RASSF5: variants seen among roughly 807,000 people sequenced by gnomAD.
RASSF5 encodes the protein ras association domain-containing protein 5.
In RASSF5, 25 loss-of-function variants were observed where a neutral mutation model predicts 40.5. The ratio of observed to expected loss-of-function variants is 0.62; its 90% CI spans 0.45 to 0.86. The LOEUF (loss-of-function observed/expected upper bound fraction) is 0.86. Among genes scored for constraint, RASSF5 ranks in the 40% least tolerant of loss-of-function variants. The pLI is 0.00. For synonymous variants in RASSF5, 246 were observed against 252.4 expected (o/e 0.97, Z 0.24); for missense variants, 521 against 572.8 (o/e 0.91, Z 0.92).
chr1:206,527,456 G>A lies in RASSF5; in HGVS notation c.458-10716G>A, dbSNP rs35353592. Among the ~76,000 whole-genome samples the A allele has an allele frequency of 0.017, 2,529 of 152,242 alleles. 157 individuals are homozygous for A. The East Asian group carries it at 0.22, about 13-fold the overall frequency. ...AAATTGTCCTGAGAGCTCAGGACAGGAACCTTTGGCTGCTGCCTGGGTGGT... is the reference window on the plus strand; with the variant it reads ...AAATTGTCCTGAGAGCTCAGGACAGAAACCTTTGGCTGCTGCCTGGGTGGT... On this transcript the variant is annotated intron_variant, in intron 1 of 5. Coordinates refer to ENST00000579436, the MANE Select transcript of RASSF5 (RefSeq NM_182663.4).
rs1362443345 is a variant in RASSF5, at chr1:206,531,411, G to A, written c.458-6761G>A. Among the ~76,000 whole-genome samples, 2 of 152,216 alleles carry A rather than the reference G, an allele frequency of 1.3e-5. No individual in the cohort carries two copies. Among genetic ancestry groups the A allele is most frequent in the Admixed American group, 6.5e-5 (1 of 15,280 alleles). Reference sequence around the variant, plus strand: ...CTGTGTCTATTGTATGAGAACCTGAGTCTGAAGGGACATCTTGGGGCCAGG... The same window carrying A: ...CTGTGTCTATTGTATGAGAACCTGAATCTGAAGGGACATCTTGGGGCCAGG... On this transcript the variant is annotated intron_variant, in intron 1 of 5. Coordinates refer to ENST00000579436, the MANE Select transcript of RASSF5 (RefSeq NM_182663.4). The surrounding 1 kb of genome is among the most constrained non-coding windows in gnomAD (Gnocchi z 4.7).
At chr1:206,556,367 T>C (rs1021562472) in intron 2 of RASSF5, among the ~76,000 whole-genome samples, 1 of 152,236 alleles carries the variant, frequency 6.6e-6, no homozygotes, top group African/African-American at 2.4e-5. Context: ...CGTAAATCAC[T>C]TGCACAGAGA....
In RASSF5 at chr1:206,531,861, C is replaced by A. The variant is rs1178046427; in HGVS notation, c.458-6311C>A. On this transcript the variant is annotated intron_variant, in intron 1 of 5. Coordinates refer to ENST00000579436, the MANE Select transcript of RASSF5 (RefSeq NM_182663.4). The surrounding 1 kb of genome is among the most constrained non-coding windows in gnomAD (Gnocchi z 4.7). ...GAGCATCCTGGCTAACATAGTGAAA[C>A]CCTGTCTCTACTAAAAAAAAATAAA... 6.6e-6 allele frequency among the ~76,000 whole-genome samples: 1 copy of A among 151,058 alleles called. No homozygotes were observed. The highest frequency in any genetic ancestry group is 1.5e-5 in the Non-Finnish European group (1 of 67,936).
intron 2 of RASSF5, among the ~76,000 whole-genome samples, chr1:206,546,242 G>A (rs1005988407): frequency 6.6e-6 from 1 of 150,940 alleles, no homozygotes; most frequent in Non-Finnish European, 1.5e-5. Flanking sequence ...TCGAGGAACT[G>A]GGACTACACA....
At chr1:206,577,031 G>A (rs1007448528) in intron 2 of RASSF5, among the ~76,000 whole-genome samples, 1 of 149,900 alleles carries the variant, frequency 6.7e-6, no homozygotes. Context: ...GACTGGTCTC[G>A]AACTCCTGGG....
chr1:206,548,830 T>TA (rs1553400642), intron 2 of RASSF5, among the ~76,000 whole-genome samples: 2 of 152,168 alleles, frequency 1.3e-5, no homozygotes, highest in African/African-American at 4.8e-5. Context: ...TCTGTTCATT[T>TA]AAAAAATTCT....
At chr1:206,553,844 A>T (rs1553401369) in intron 2 of RASSF5, among the ~76,000 whole-genome samples, 1 of 152,196 alleles carries the variant, frequency 6.6e-6, no homozygotes, top group East Asian at 1.9e-4. Flanking sequence ...CACAGAGGTA[A>T]ACCATGAGGC....
chr1:206,526,280 G>GTGTGTGTGTGTGTGTGTT (rs1667095053), intron 1 of RASSF5, among the ~76,000 whole-genome samples: 1 of 151,900 alleles, frequency 6.6e-6, no homozygotes, highest in South Asian at 2.1e-4. Flanking sequence ...GTGTGTGTGT[G>GTGTGTGTGTGTGTGTGTT]TGTGTGTGTG....
chr1:206,567,098 GACA>G (rs782594752), intron 2 of RASSF5, among the ~76,000 whole-genome samples: 30 of 152,200 alleles, frequency 2.0e-4, no homozygotes, highest in Non-Finnish European at 3.8e-4. Flanking sequence ...AAAATGCAAG[GACA>G]ACTTTTCAAA....
chr1:206,512,591 CCT>C (rs1666646111), intron 1 of RASSF5, among the ~76,000 whole-genome samples: 1 of 152,144 alleles, frequency 6.6e-6, no homozygotes, highest in Non-Finnish European at 1.5e-5. Context: ...GGTCTGATAT[CCT>C]CTCTCTTCTC....
chr1:206,529,721 G>A, intron 1 of RASSF5: 1 of 644,540 alleles, frequency 1.6e-6, no homozygotes, highest in Non-Finnish European at 2.8e-6. Flanking sequence ...ACACTGTTGA[G>A]TTTTCTGTAC....
rs1369279877 is a variant in RASSF5, at chr1:206,535,168, A to AC, written c.458-3003dup. On this transcript the variant is annotated intron_variant, in intron 1 of 5. Coordinates refer to ENST00000579436, the MANE Select transcript of RASSF5 (RefSeq NM_182663.4). The surrounding 1 kb of genome is among the most constrained non-coding windows in gnomAD (Gnocchi z 5.0). ...CAGAGAGCCACGATAGTGCCACTGC[A>AC]CTGCAGCCTGGGTGGCAGAGTGAAA... 2.6e-5 allele frequency among the ~76,000 whole-genome samples: 4 copies of AC among 152,248 alleles called. No homozygotes were observed. The highest frequency in any genetic ancestry group is 9.6e-5 in the African/African-American group (4 of 41,468).
chr1:206,507,558 A>G lies in RASSF5; in HGVS notation c.-45A>G. On this transcript the variant is annotated 5_prime_UTR_variant, in exon 1 of 6. Coordinates refer to ENST00000579436, the MANE Select transcript of RASSF5 (RefSeq NM_182663.4). Reference sequence around the variant, plus strand: ...CTCGGGGCTGGCTCGGGAGTAGCGCAGTCGCCAAAGCCGCCGCTGCCAAAG... The same window carrying G: ...CTCGGGGCTGGCTCGGGAGTAGCGCGGTCGCCAAAGCCGCCGCTGCCAAAG... 1.4e-6 allele frequency: 2 copies of G among 1,407,616 alleles called. No individual in the cohort carries two copies. Among genetic ancestry groups the G allele is most frequent in the Non-Finnish European group, 1.9e-6 (2 of 1,073,394 alleles). 87.2% of individuals were successfully genotyped at this position (1,407,616 alleles called of 1,614,324 possible).
chr1:206,523,941 T>G (rs1159064533), intron 1 of RASSF5, among the ~76,000 whole-genome samples: 3 of 115,688 alleles, frequency 2.6e-5, no homozygotes, highest in African/African-American at 1.1e-4. Context: ...TATAATATAT[T>G]TTATATATAA....
chr1:206,514,685 C>T lies in RASSF5; in HGVS notation c.457+6626C>T, dbSNP rs537490337. ...AATCAGACTCCAGGTTCATGAAAGT[C>T]AGGCCAAAAAGAAGAGTGATGTTCT... On this transcript the variant is annotated intron_variant, in intron 1 of 5. Coordinates refer to ENST00000579436, the MANE Select transcript of RASSF5 (RefSeq NM_182663.4). 7.2e-5 allele frequency among the ~76,000 whole-genome samples: 11 copies of T among 152,300 alleles called. No individual in the cohort carries two copies. In the East Asian group the frequency reaches 1.9e-3, roughly 27 times the overall value.
rs1468117406 is a variant in RASSF5 at position 206,551,144 on chromosome 1, T to C, written c.579+12851T>C. Among the ~76,000 whole-genome samples the C allele has an allele frequency of 3.3e-5, 5 of 152,188 alleles. No individual in the cohort carries two copies. In the South Asian group the frequency reaches 1.0e-3, roughly 31 times the overall value. On this transcript the variant is annotated intron_variant, in intron 2 of 5. Transcript: ENST00000579436. ...AGAAACTAGGGTCCCACATCTAATC[T>C]TTCCTGGTAGATGTGAGGGTGGGGA...
intron 2 of RASSF5, among the ~76,000 whole-genome samples, chr1:206,558,435 T>C (rs1332284947): frequency 3.3e-5 from 5 of 152,000 alleles, no homozygotes; most frequent in African/African-American, 1.2e-4. Context: ...AAAGCTGAGT[T>C]TGTTTATTTG....
At chr1:206,557,312 G>C (rs978889559) in intron 2 of RASSF5, 1 of 1,252,004 alleles carries the variant, frequency 8.0e-7, no homozygotes, top group Non-Finnish European at 1.0e-6. Context: ...CGCGAGCCGG[G>C]CGCCCGGGGC....
rs146368323 is a variant in RASSF5 at position 206,515,895 on chromosome 1, C to A, written c.457+7836C>A. On this transcript the variant is annotated intron_variant, in intron 1 of 5. Coordinates refer to ENST00000579436, the MANE Select transcript of RASSF5 (RefSeq NM_182663.4). ...TGAAGAAAGTATTAACCTCCCCCAC[C>A]TCAAACAAAACCTCAGAGATGCCTT... Among the ~76,000 whole-genome samples the A allele has an allele frequency of 2.0e-5, 3 of 152,288 alleles. No homozygotes were observed. The East Asian group carries it at 5.8e-4, about 29-fold the overall frequency.
Sources: gnomAD v4.1 joint callset for allele counts (sites outside exome capture counted in the v4.1 genomes callset) on GRCh38, gnomAD v4.1.1 for gene constraint, Gnocchi (gnomAD v3.1) non-coding constraint, MANE v1.5 for transcripts, NCBI Gene and HGNC (gene_info 2026-07-23, HGNC 2026-07-21) for gene names.